RABEP2: variants seen among roughly 807,000 people sequenced by gnomAD.
RABEP2 encodes rabaptin, RAB GTPase binding effector protein 2.
Under a neutral mutation model 74.1 loss-of-function variants are expected in RABEP2, and 57 were observed. The observed-to-expected ratio is 0.77, with a 90% CI of 0.62 to 0.96. The LOEUF (loss-of-function observed/expected upper bound fraction) is 0.96, where lower values mean the gene tolerates loss of function less well. RABEP2 is among the 40% of genes least tolerant of loss of function. RABEP2 has a pLI of 0.00. For synonymous variants in RABEP2, 351 were observed against 344.0 expected, an observed-to-expected ratio of 1.02 and a Z score of -0.23; for missense variants, 692 against 756.3, an observed-to-expected ratio of 0.91 and a Z score of 1.00.
At chr16:28,914,173 G>T (rs1964352034) in intron 5 of RABEP2, 63 bp downstream of exon 5, 1 of 1,365,908 alleles carries the variant, frequency 7.3e-7, no homozygotes, top group Non-Finnish European at 9.9e-7. Flanking sequence ...CACAGGTGGT[G>T]CGGGGGAAGC....
Position 28,925,188 on chromosome 16 carries a change from C to T in RABEP2, c.-25G>A. On this transcript the variant is annotated 5_prime_UTR_variant, in exon 1 of 13. Coordinates refer to ENST00000358201, the MANE Select transcript of RABEP2 (RefSeq NM_024816.3). Reference sequence around the variant, plus strand: ...TTGCCTCAGCGCAAACGGCGGATTCCCGCACTCCCTGGTGACGGAGCGCAC... The same window carrying T: ...TTGCCTCAGCGCAAACGGCGGATTCTCGCACTCCCTGGTGACGGAGCGCAC... 6.6e-7 allele frequency: 1 copy of T among 1,524,566 alleles called. No individual in the cohort carries two copies. The highest frequency in any genetic ancestry group is 8.8e-7 in the Non-Finnish European group (1 of 1,142,068). The allele number at this position is 1,524,566 out of a possible 1,614,324, so 94.4% of individuals were successfully genotyped here.
chr16:28,913,541 G>A (rs1964341735), intron 5 of RABEP2, among the ~76,000 whole-genome samples: 1 of 151,932 alleles, frequency 6.6e-6, no homozygotes, highest in Non-Finnish European at 1.5e-5. Flanking sequence ...GAGTGCAGTG[G>A]TTTGATCTTG....
chr16:28,905,390 G>A lies in RABEP2; in HGVS notation c.1608+7C>T, dbSNP rs1964210511. The stretch of plus-strand genomic sequence containing the variant: ...AGCCAGCCTGGCGGGGCTGGGACAG[G>A]CCATACCTGCAGGGCCTGGGACAGT... On this transcript the variant is annotated splice_region_variant and intron_variant, in intron 12 of 12. Coordinates refer to ENST00000358201, the MANE Select transcript of RABEP2 (RefSeq NM_024816.3). 3 of 1,597,874 alleles carry A rather than the reference G, an allele frequency of 1.9e-6. No individual in the cohort carries two copies. Among genetic ancestry groups the A allele is most frequent in the East Asian group, 2.2e-5 (1 of 44,562 alleles).
chr16:28,908,343 C>T (rs542614744), intron 8 of RABEP2, among the ~76,000 whole-genome samples: 4 of 152,306 alleles, frequency 2.6e-5, no homozygotes, highest in Non-Finnish European at 4.4e-5. Context: ...TCTTGTGGCT[C>T]GCGTGTCACT....
At chr16:28,920,815 A>G (rs909736807) in intron 2 of RABEP2, among the ~76,000 whole-genome samples, 3 of 151,902 alleles carry the variant, frequency 2.0e-5, no homozygotes, top group African/African-American at 4.8e-5. Flanking sequence ...TACATTAGGT[A>G]TATCTCCTAA....
chr16:28,905,607 C>T, intron 11 of RABEP2, 94 bp from the exon 12 acceptor site: 1 of 1,488,480 alleles, frequency 6.7e-7, no homozygotes, highest in South Asian at 1.2e-5. Flanking sequence ...GCTTCCTCCA[C>T]CTGGCCTGAG....
intron 2 of RABEP2, 42 bp downstream of exon 2, chr16:28,924,361 G>C: frequency 5.8e-6 from 9 of 1,553,076 alleles, no homozygotes; most frequent in Non-Finnish European, 7.1e-6. Flanking sequence ...GCACTCCCCA[G>C]TATGGGGTTG....
intron 7 of RABEP2, among the ~76,000 whole-genome samples, chr16:28,909,180 G>T (rs927862000): frequency 1.3e-5 from 2 of 151,896 alleles, no homozygotes; most frequent in Non-Finnish European, 2.9e-5. Flanking sequence ...GGGTTCAAGC[G>T]ATTCTCCTGC....
At chr16:28,917,319 T>C (rs1389040704) in intron 3 of RABEP2, among the ~76,000 whole-genome samples, 1 of 152,254 alleles carries the variant, frequency 6.6e-6, no homozygotes, top group African/African-American at 2.4e-5. Flanking sequence ...GGCAGAAATC[T>C]GCCAGTCATC....
chr16:28,920,536 C>G (rs1964457341), intron 2 of RABEP2, among the ~76,000 whole-genome samples: 2 of 151,966 alleles, frequency 1.3e-5, no homozygotes, highest in African/African-American at 4.8e-5. Context: ...CAGGCGCCCA[C>G]CACCACCCCT....
At chr16:28,914,617 G>T (rs751347906) in intron 4 of RABEP2, 31 bp from the exon 5 acceptor site, 7 of 1,608,584 alleles carry the variant, frequency 4.4e-6, no homozygotes, top group Non-Finnish European at 6.0e-6. Flanking sequence ...GAGGCTGGGG[G>T]GCCAGGGTCC....
chr16:28,905,059 G>T lies in RABEP2; in HGVS notation c.1609-15C>A. 6.3e-7 allele frequency: 1 copy of T among 1,586,660 alleles called. No homozygotes were observed. Among genetic ancestry groups the T allele is most frequent in the Non-Finnish European group, 8.6e-7 (1 of 1,168,550 alleles). ...TCTAGGCGCACCTGCCGGATCGGAC[G>T]AGGGGAGCAGAGTGCACTTGTGGGG... On this transcript the variant is annotated splice_polypyrimidine_tract_variant and intron_variant, in intron 12 of 12. Transcript: ENST00000358201.
intron 2 of RABEP2, among the ~76,000 whole-genome samples, chr16:28,922,797 G>A (rs1964483730): frequency 1.3e-5 from 2 of 152,210 alleles, no homozygotes; most frequent in South Asian, 4.1e-4. Context: ...GGGAGGCTGA[G>A]GAAGGAGAAT....
intron 3 of RABEP2, among the ~76,000 whole-genome samples, chr16:28,917,644 A>T (rs1220601471): frequency 1.3e-5 from 2 of 151,900 alleles, no homozygotes; most frequent in Non-Finnish European, 2.9e-5. Flanking sequence ...CTGGTCTCAA[A>T]CTCCTGACCT....
chr16:28,923,869 C>T (rs748961304), intron 2 of RABEP2, among the ~76,000 whole-genome samples: 1 of 152,004 alleles, frequency 6.6e-6, no homozygotes, highest in Non-Finnish European at 1.5e-5. Context: ...CTGGCTTCTG[C>T]TAGAGGAAGG....
In RABEP2 at chr16:28,914,330, AC is replaced by A; in HGVS notation, c.799del (p.Val267CysfsTer54). ...CTCGGGAACCAGGGTGCCCGTAGACACCAGCGAGGCCGTCTCTTCCTGTTCA... is the reference window on the plus strand; with the variant it reads ...CTCGGGAACCAGGGTGCCCGTAGACACAGCGAGGCCGTCTCTTCCTGTTCA... ...SPEQEETASL[V>X]STGTLVPEGI... On this transcript the variant is annotated frameshift_variant, in exon 5 of 13. Coordinates refer to ENST00000358201, the MANE Select transcript of RABEP2 (RefSeq NM_024816.3). LOFTEE classifies it high-confidence loss of function. The A allele has an allele frequency of 1.2e-6, 2 of 1,613,264 alleles. No individual in the cohort carries two copies. Among genetic ancestry groups the A allele is most frequent in the Non-Finnish European group, 8.5e-7 (1 of 1,180,006 alleles).
chr16:28,906,754 G>A (rs888366633), intron 8 of RABEP2, among the ~76,000 whole-genome samples: 6 of 151,986 alleles, frequency 3.9e-5, no homozygotes, highest in Admixed American at 3.3e-4. Context: ...GACAGAACAA[G>A]ACTCCATCTC....
chr16:28,924,677 G>C, intron 1 of RABEP2, 62 bp from the exon 2 acceptor site: 2 of 1,453,490 alleles, frequency 1.4e-6, no homozygotes, highest in Non-Finnish European at 1.9e-6. Context: ...TACCGGCTTA[G>C]CAAGTCCTGC....
rs1318902838 is a variant in RABEP2 at position 28,905,860 on chromosome 16, C to T, written c.1435+7G>A. 6 of 1,613,926 alleles carry T rather than the reference C, an allele frequency of 3.7e-6. No homozygotes were observed. The East Asian group carries it at 1.3e-4, about 36-fold the overall frequency. ...GATCCCCAAGATCACCTCCAGCACA[C>T]ACTCACCCTCCAGCACCTCTGTGGG... On this transcript the variant is annotated splice_region_variant and intron_variant, in intron 10 of 12. Transcript: ENST00000358201.
Sources: allele counts gnomAD v4.1 joint callset (sites outside exome capture counted in the v4.1 genomes callset), GRCh38; gene constraint gnomAD v4.1.1; transcripts MANE v1.5; gene names NCBI Gene and HGNC (gene_info 2026-07-23, HGNC 2026-07-21).